The following MAGI2 variants were observed in gnomAD, a reference collection of about 807,000 sequenced individuals.
MAGI2 encodes the protein membrane associated guanylate kinase, WW and PDZ domain containing 2, also known as membrane-associated guanylate kinase, WW and PDZ domain-containing protein 2.
In MAGI2, 35 loss-of-function variants were observed where a neutral mutation model predicts 133.3. That is an observed-to-expected ratio of 0.26 (90% CI 0.20 to 0.35). MAGI2 has a LOEUF of 0.35. Ranked by LOEUF, MAGI2 falls within the 10% of genes least tolerant of loss-of-function variation. The pLI, the probability that MAGI2 is intolerant of heterozygous loss-of-function variation, is 1.00. For synonymous variants in MAGI2, 729 were observed against 710.6 expected, an observed-to-expected ratio of 1.03 and a Z score of -0.41; for missense variants, 1,636 against 1,863.4, an observed-to-expected ratio of 0.88 and a Z score of 2.25.
At chr7:79,146,320 T>C (rs572173038) in intron 1 of MAGI2, among the ~76,000 whole-genome samples, 2 of 152,214 alleles carry the variant, frequency 1.3e-5, no homozygotes, top group Non-Finnish European at 2.9e-5. Context: ...TGTTTGTCTC[T>C]TGCTGTTCTC....
intron 20 of MAGI2, among the ~76,000 whole-genome samples, chr7:78,093,738 T>C (rs1310494786): frequency 1.3e-5 from 2 of 152,232 alleles, no homozygotes; most frequent in African/African-American, 4.8e-5. Flanking sequence ...TGTGTGAACA[T>C]TGATACTTAT....
intron 2 of MAGI2, among the ~76,000 whole-genome samples, chr7:78,923,192 G>A (rs1199516766): frequency 6.6e-6 from 1 of 152,120 alleles, no homozygotes; most frequent in Admixed American, 6.5e-5. Flanking sequence ...AAGCTCTTTA[G>A]TTTAATTAGA....
chr7:78,421,402 T>C (rs1384932425), intron 6 of MAGI2, among the ~76,000 whole-genome samples: 1 of 152,208 alleles, frequency 6.6e-6, no homozygotes, highest in Non-Finnish European at 1.5e-5. Flanking sequence ...GTAGACATAA[T>C]TTACTTTTCC....
intron 1 of MAGI2, among the ~76,000 whole-genome samples, chr7:79,367,157 A>T (rs988281061): frequency 2.0e-5 from 3 of 152,204 alleles, no homozygotes; most frequent in African/African-American, 7.2e-5. Flanking sequence ...CCTTCCACTT[A>T]CCCATCCGTC....
At chr7:79,064,597 CTG>C (rs1205180709) in intron 1 of MAGI2, among the ~76,000 whole-genome samples, 6 of 152,086 alleles carry the variant, frequency 3.9e-5, no homozygotes. Context: ...CCCTACAAGT[CTG>C]TGCATAACTA....
intron 10 of MAGI2, among the ~76,000 whole-genome samples, chr7:78,201,844 G>T (rs1829283976): frequency 6.6e-6 from 1 of 152,082 alleles, no homozygotes; most frequent in African/African-American, 2.4e-5. Flanking sequence ...TTTACCCAAT[G>T]TATTGATCTC....
chr7:79,075,849 G>C (rs1815416604), intron 1 of MAGI2, among the ~76,000 whole-genome samples: 1 of 152,016 alleles, frequency 6.6e-6, no homozygotes, highest in South Asian at 2.1e-4. Flanking sequence ...AACAGGAAGG[G>C]ATAAGTTGTA....
chr7:79,025,921 A>G (rs879839598), intron 1 of MAGI2, among the ~76,000 whole-genome samples: 1 of 152,206 alleles, frequency 6.6e-6, no homozygotes, highest in Non-Finnish European at 1.5e-5. Context: ...AGGAAGTAGT[A>G]ATCAAGGACT....
chr7:78,645,394 T>C (rs1015400865), intron 2 of MAGI2, among the ~76,000 whole-genome samples: 2 of 152,006 alleles, frequency 1.3e-5, no homozygotes, highest in African/African-American at 4.8e-5. Context: ...TGAACATACA[T>C]ACAAAAAACT....
chr7:79,439,228 TC>T (rs1360516605), intron 1 of MAGI2, among the ~76,000 whole-genome samples: 3 of 152,118 alleles, frequency 2.0e-5, no homozygotes, highest in African/African-American at 7.2e-5. Flanking sequence ...TATGCAGCAC[TC>T]CCCAGCTCCA....
intron 10 of MAGI2, among the ~76,000 whole-genome samples, chr7:78,207,959 C>T (rs1221529221): frequency 6.6e-6 from 1 of 152,082 alleles, no homozygotes; most frequent in African/African-American, 2.4e-5. Context: ...TAACCTCCGC[C>T]TCCCAGGTTC....
intron 1 of MAGI2, among the ~76,000 whole-genome samples, chr7:79,282,295 G>A (rs567478261): frequency 1.6e-4 from 24 of 152,226 alleles, no homozygotes; most frequent in African/African-American, 5.1e-4. Flanking sequence ...AGAGAGCTGC[G>A]GCAGGCTTGC....
intron 1 of MAGI2, among the ~76,000 whole-genome samples, chr7:79,254,588 C>T (rs1038924034): frequency 6.6e-6 from 1 of 152,176 alleles, no homozygotes; most frequent in Non-Finnish European, 1.5e-5. Flanking sequence ...TTAGGCAGTC[C>T]TAAGACAATA....
intron 21 of MAGI2, among the ~76,000 whole-genome samples, chr7:78,037,179 G>C (rs556216666): frequency 3.0e-4 from 45 of 152,188 alleles, no homozygotes; most frequent in Non-Finnish European, 5.6e-4. Context: ...AGTGGCTCTG[G>C]GTGTACCTAG....
At chr7:79,380,566 A>C (rs867909479) in intron 1 of MAGI2, among the ~76,000 whole-genome samples, 5 of 151,820 alleles carry the variant, frequency 3.3e-5, no homozygotes, top group South Asian at 4.1e-4. Context: ...ATTGTTAATC[A>C]TCCTAGTGAT....
chr7:78,627,810 A>C (rs1808534056), intron 2 of MAGI2, among the ~76,000 whole-genome samples: 1 of 152,250 alleles, frequency 6.6e-6, no homozygotes, highest in Admixed American at 6.5e-5. Flanking sequence ...AAATTAAATA[A>C]TTAGAATTGT....
At chr7:79,417,750 C>CA (rs66901516) in intron 1 of MAGI2, among the ~76,000 whole-genome samples, 36,433 of 129,650 alleles carry the variant, frequency 0.28, 4,966 homozygotes, top group African/African-American at 0.42. Flanking sequence ...CACATATGCA[C>CA]AAAAAAAAAA....
chr7:78,364,090 A>G (rs563247120), intron 7 of MAGI2, among the ~76,000 whole-genome samples: 15 of 151,922 alleles, frequency 9.9e-5, no homozygotes, highest in Non-Finnish European at 1.5e-4. Context: ...CTGGCGAGCT[A>G]CAGGGCTAGC....
intron 2 of MAGI2, among the ~76,000 whole-genome samples, chr7:78,761,353 G>A (rs1156951267): frequency 6.6e-6 from 1 of 152,174 alleles, no homozygotes; most frequent in African/African-American, 2.4e-5. Flanking sequence ...TAGCCAGGCT[G>A]AAGTCTACAA....
Sources: gnomAD v4.1 joint callset for allele counts (sites outside exome capture counted in the v4.1 genomes callset) on GRCh38, gnomAD v4.1.1 for gene constraint, MANE v1.5 for transcripts, NCBI Gene and HGNC (gene_info 2026-07-23, HGNC 2026-07-21) for gene names.